The following CAMK1D variants were observed in gnomAD, a reference collection of about 807,000 sequenced individuals.
CAMK1D encodes calcium/calmodulin dependent protein kinase ID.
Under a neutral mutation model 47.7 loss-of-function variants are expected in CAMK1D, and 9 were observed. The ratio of observed to expected loss-of-function variants is 0.19; its 90% confidence interval spans 0.11 to 0.33. CAMK1D has a LOEUF of 0.33. CAMK1D is among the 10% of genes least tolerant of loss of function. The probability of loss-of-function intolerance (pLI) is 1.00; values close to 1 mark genes in which losing one functional copy is unlikely to be tolerated. For missense variants in CAMK1D, 291 were observed against 488.7 expected, an observed-to-expected ratio of 0.60 and a Z score of 3.81; for synonymous variants, 184 against 184.9, an observed-to-expected ratio of 0.99 and a Z score of 0.04.
At position 12,432,067 on chromosome 10, in the gene CAMK1D, A is replaced by G. The variant is rs182956947; in HGVS notation, c.92+82157A>G. The stretch of plus-strand genomic sequence containing the variant: ...CCTTTGGAAGAGGGGTTTTGGATAC[A>G]TCAGAGGAGCAGTGATTTCCAGATT... On this transcript the variant is annotated intron_variant, in intron 1 of 10. Transcript: ENST00000619168. Among the ~76,000 whole-genome samples the G allele has an allele frequency of 1.7e-4, 26 of 152,330 alleles. No individual in the cohort carries two copies. In the East Asian group the frequency reaches 4.8e-3, roughly 28 times the overall value.
intron 2 of CAMK1D, among the ~76,000 whole-genome samples, chr10:12,575,946 G>C (rs1388923561): frequency 2.6e-5 from 4 of 152,194 alleles, no homozygotes; most frequent in Non-Finnish European, 4.4e-5. Flanking sequence ...AGAGGATAAT[G>C]AAAGAGCTCA....
rs192853756 is a variant in CAMK1D, at chr10:12,462,227, G to A, written c.93-90998G>A. Among the ~76,000 whole-genome samples the A allele has an allele frequency of 6.6e-3, 908 of 137,778 alleles. 10 individuals carry two copies. The highest frequency in any genetic ancestry group is 0.021 in the African/African-American group (792 of 36,950). The allele number at this position is 137,778 out of a possible 152,430, so 90.4% of individuals were successfully genotyped here. A position where few individuals can be genotyped will look rare whatever the true frequency, so the allele number is the denominator to read the frequency against. On this transcript the variant is annotated intron_variant, in intron 1 of 10. Coordinates refer to ENST00000619168, the MANE Select transcript of CAMK1D (RefSeq NM_153498.4). Reference sequence around the variant, plus strand: ...TGTTGCCAGGCTGGAGTGCGGTGGCGTGATCTTGGCTCACTGCAACCTTCG... The same window carrying A: ...TGTTGCCAGGCTGGAGTGCGGTGGCATGATCTTGGCTCACTGCAACCTTCG...
At chr10:12,456,078 G>A (rs991930444) in intron 1 of CAMK1D, among the ~76,000 whole-genome samples, 6 of 152,096 alleles carry the variant, frequency 3.9e-5, no homozygotes, top group Admixed American at 6.5e-5. Flanking sequence ...ACCCTTTATC[G>A]CTTCTGCAGA....
At chr10:12,725,615 C>T (rs767845984) in intron 3 of CAMK1D, among the ~76,000 whole-genome samples, 9 of 152,222 alleles carry the variant, frequency 5.9e-5, no homozygotes, top group Non-Finnish European at 8.8e-5. Context: ...ATTTTCTCAA[C>T]AGTCTTCTCT....
intron 1 of CAMK1D, among the ~76,000 whole-genome samples, chr10:12,427,774 CT>C (rs1453471654): frequency 1.6e-5 from 2 of 124,310 alleles, no homozygotes; most frequent in Non-Finnish European, 3.2e-5. Flanking sequence ...GTGGCATGAC[CT>C]TGGCTCACCG....
intron 1 of CAMK1D, among the ~76,000 whole-genome samples, chr10:12,545,799 CAAAAAA>C (rs940253634): frequency 3.6e-5 from 5 of 138,396 alleles, no homozygotes; most frequent in African/African-American, 1.1e-4. Context: ...GACTCCGTCT[CAAAAAA>C]GAAAAAGAAA....
Position 12,780,060 on chromosome 10 carries a change from C to G in CAMK1D, c.565+10261C>G, listed in dbSNP as rs115733351. On this transcript the variant is annotated intron_variant, in intron 5 of 10. Transcript: ENST00000619168. Reference sequence around the variant, plus strand: ...CTAAAATAGTTTAAACGTGTTTCATCTTGTTCTTCTCTAAAAGGAGATGGA... The same window carrying G: ...CTAAAATAGTTTAAACGTGTTTCATGTTGTTCTTCTCTAAAAGGAGATGGA... Among the ~76,000 whole-genome samples, 911 of 152,096 alleles carry G rather than the reference C, an allele frequency of 6.0e-3. 4 individuals carry two copies. The highest frequency in any genetic ancestry group is 0.034 in the Middle Eastern group (10 of 294).
At chr10:12,732,218 G>C (rs1314936052) in intron 3 of CAMK1D, among the ~76,000 whole-genome samples, 4 of 152,154 alleles carry the variant, frequency 2.6e-5, no homozygotes, top group Non-Finnish European at 5.9e-5. Context: ...TCCAGCCTGG[G>C]CAACAGAGAA....
intron 1 of CAMK1D, among the ~76,000 whole-genome samples, chr10:12,444,673 A>G (rs1469218215): frequency 1.3e-5 from 2 of 152,244 alleles, no homozygotes; most frequent in Non-Finnish European, 2.9e-5. Context: ...CATTCAAAGA[A>G]AGGGATTTTG....
intron 6 of CAMK1D, among the ~76,000 whole-genome samples, chr10:12,801,147 G>A (rs1265378025): frequency 2.6e-5 from 4 of 152,136 alleles, no homozygotes; most frequent in Non-Finnish European, 4.4e-5. Context: ...AAAAGGAGAA[G>A]AGGGGGATAA....
chr10:12,770,019 T>C (rs1836968062), intron 5 of CAMK1D, among the ~76,000 whole-genome samples: 1 of 152,266 alleles, frequency 6.6e-6, no homozygotes, highest in Admixed American at 6.5e-5. Flanking sequence ...TTTTGCACAG[T>C]TGGGTAGAAA....
chr10:12,783,565 C>T (rs1048176050), intron 5 of CAMK1D, among the ~76,000 whole-genome samples: 23 of 152,188 alleles, frequency 1.5e-4, no homozygotes, highest in Non-Finnish European at 2.8e-4. Flanking sequence ...AAATTCTTTT[C>T]TACTTCAGAA....
At chr10:12,801,448 C>T (rs1036655220) in intron 6 of CAMK1D, among the ~76,000 whole-genome samples, 8 of 151,024 alleles carry the variant, frequency 5.3e-5, no homozygotes, top group African/African-American at 1.9e-4. Context: ...TCCATCCATC[C>T]ATTCATCTAT....
intron 3 of CAMK1D, among the ~76,000 whole-genome samples, chr10:12,739,101 G>A (rs1835308124): frequency 6.6e-6 from 1 of 151,992 alleles, no homozygotes; most frequent in African/African-American, 2.4e-5. Flanking sequence ...GCCAGGCGTG[G>A]TGGTGTGTAC....
chr10:12,621,861 T>C (rs1205254673), intron 2 of CAMK1D, among the ~76,000 whole-genome samples: 2 of 152,146 alleles, frequency 1.3e-5, no homozygotes, highest in African/African-American at 4.8e-5. Flanking sequence ...ACCCTGGGTG[T>C]TAACCTTCTA....
intron 3 of CAMK1D, among the ~76,000 whole-genome samples, chr10:12,751,042 G>C (rs947637236): frequency 6.7e-6 from 1 of 149,246 alleles, no homozygotes; most frequent in African/African-American, 2.5e-5. Flanking sequence ...GACGGAGCCC[G>C]TCTCCCCCAA....
chr10:12,390,401 A>G (rs898033761), intron 1 of CAMK1D, among the ~76,000 whole-genome samples: 4 of 152,238 alleles, frequency 2.6e-5, no homozygotes, highest in African/African-American at 9.6e-5. Context: ...AATGGAAGGA[A>G]TTTCTCATAT....
At chr10:12,378,849 C>T (rs1261823520) in intron 1 of CAMK1D, among the ~76,000 whole-genome samples, 9 of 140,308 alleles carry the variant, frequency 6.4e-5, no homozygotes, top group African/African-American at 1.9e-4. Flanking sequence ...CTTGCTCTGT[C>T]GCCTGGCTGG....
chr10:12,651,660 G>A (rs565892799), intron 2 of CAMK1D, among the ~76,000 whole-genome samples: 10 of 151,674 alleles, frequency 6.6e-5, no homozygotes, highest in Non-Finnish European at 7.4e-5. Flanking sequence ...CCTTGGCCTC[G>A]CAAAGTACTG....
Sources: allele counts gnomAD v4.1 joint callset (sites outside exome capture counted in the v4.1 genomes callset), GRCh38; gene constraint gnomAD v4.1.1; transcripts MANE v1.5; gene names NCBI Gene and HGNC (gene_info 2026-07-23, HGNC 2026-07-21).